WDPCP: variants seen among roughly 807,000 people sequenced by gnomAD.
The protein encoded by WDPCP is WD repeat-containing and planar cell polarity effector protein fritz homolog.
A neutral mutation model predicts 93.1 loss-of-function variants in WDPCP; 71 were observed. That is an observed-to-expected ratio of 0.76 (90% CI 0.63 to 0.93). WDPCP has a LOEUF of 0.93. Ranked by LOEUF, WDPCP falls within the 40% of genes least tolerant of loss-of-function variation. The probability of loss-of-function intolerance (pLI) is 0.00; values close to 1 mark genes in which losing one functional copy is unlikely to be tolerated. For missense variants in WDPCP, 844 were observed against 887.4 expected, an observed-to-expected ratio of 0.95 and a Z score of 0.62; for synonymous variants, 315 against 315.0, an observed-to-expected ratio of 1.00 and a Z score of 0.00.
intron 1 of WDPCP, among the ~76,000 whole-genome samples, chr2:63,522,886 A>G (rs906048985): frequency 1.3e-5 from 2 of 152,228 alleles, no homozygotes; most frequent in African/African-American, 4.8e-5. Flanking sequence ...AAATGTACAA[A>G]GAAGGGCTAG....
chr2:63,531,912 C>A (rs1398559972), intron 1 of WDPCP, among the ~76,000 whole-genome samples: 1 of 152,040 alleles, frequency 6.6e-6, no homozygotes, highest in East Asian at 1.9e-4. Context: ...ACAAACTTCT[C>A]CGAGCTAAAG....
At chr2:63,682,533 A>AG (rs202080693) in intron 2 of WDPCP, among the ~76,000 whole-genome samples, 1,725 of 152,266 alleles carry the variant, frequency 0.011, 14 homozygotes, top group Non-Finnish European at 0.013. Context: ...GCATGCCTAC[A>AG]GGATCTAGTA....
chr2:63,386,146 G>A (rs180863530), intron 10 of WDPCP, among the ~76,000 whole-genome samples: 8 of 152,004 alleles, frequency 5.3e-5, no homozygotes, highest in African/African-American at 1.2e-4. Flanking sequence ...GTGACCCTGC[G>A]TCAAAGAGTT....
chr2:63,784,079 G>A (rs747613595), intron 2 of WDPCP, among the ~76,000 whole-genome samples: 4 of 152,072 alleles, frequency 2.6e-5, no homozygotes, highest in Non-Finnish European at 2.9e-5. Flanking sequence ...CTCCATGAGG[G>A]CAATGAGCAT....
At chr2:63,617,862 A>G (rs1175224279) in intron 3 of WDPCP, among the ~76,000 whole-genome samples, 4 of 152,234 alleles carry the variant, frequency 2.6e-5, no homozygotes, top group African/African-American at 9.6e-5. Context: ...TTAGAATGGC[A>G]TGTTCTGAAC....
In WDPCP at chr2:63,404,238, C is replaced by T. The variant is rs1694377016; in HGVS notation, c.1245G>A (p.Leu415=). ...DMALSPINIQ[L]LAEDRLPRET... Reference sequence around the variant, plus strand: ...CCCTGGGTAAGCGGTCTTCAGCCAACAGTTGGATGTTAATAGGGGATAGAG... The same window carrying T: ...CCCTGGGTAAGCGGTCTTCAGCCAATAGTTGGATGTTAATAGGGGATAGAG... The change falls in exon 10 of 18, where the codon CTG becomes CTA. Residue 415 remains leucine, a synonymous_variant. Coordinates refer to ENST00000272321, the MANE Select transcript of WDPCP (RefSeq NM_015910.7). The T allele has an allele frequency of 6.2e-7, 1 of 1,613,636 alleles. No individual in the cohort carries two copies. The highest frequency in any genetic ancestry group is 8.5e-7 in the Non-Finnish European group (1 of 1,179,688).
intron 12 of WDPCP, among the ~76,000 whole-genome samples, chr2:63,373,333 T>C (rs1413320916): frequency 6.6e-6 from 1 of 151,336 alleles, no homozygotes; most frequent in Admixed American, 6.6e-5. Context: ...CACTGCAGAC[T>C]TGAACACCCA....
At position 63,731,288 on chromosome 2, in the gene WDPCP, A is replaced by G. The variant is rs796831032; in HGVS notation, n.309-80450T>C. 4.4e-4 allele frequency among the ~76,000 whole-genome samples: 67 copies of G among 151,856 alleles called. 1 individual carries two copies. Among genetic ancestry groups the G allele is most frequent in the African/African-American group, 1.6e-3 (65 of 41,476 alleles). Reference sequence around the variant, plus strand: ...GTCTCAAAAAAAAAAAAAAAAAGACAAGAATAAGACTGTTTATAAACTGTT... The same window carrying G: ...GTCTCAAAAAAAAAAAAAAAAAGACGAGAATAAGACTGTTTATAAACTGTT... On this transcript the variant is annotated intron_variant and non_coding_transcript_variant, in intron 2 of 4. Transcript: ENST00000467687.
At chr2:63,399,841 A>C (rs1224591091) in intron 10 of WDPCP, among the ~76,000 whole-genome samples, 1 of 152,142 alleles carries the variant, frequency 6.6e-6, no homozygotes, top group Admixed American at 6.5e-5. Flanking sequence ...GAATAGATTT[A>C]GCTGCATTTT....
rs1697463713 is a variant in WDPCP, at chr2:63,440,947, C to T, written c.385-1076G>A. 4 of 152,226 alleles carry T rather than the reference C, an allele frequency of 2.6e-5. 1 individual carries two copies. The South Asian group carries it at 8.3e-4, about 32-fold the overall frequency. The allele number at this position is 152,226 out of a possible 1,614,324, so 9.4% of individuals were successfully genotyped here. A position where few individuals can be genotyped will look rare whatever the true frequency, so the allele number is the denominator to read the frequency against. ...TGTGAAAGATAAGCAGCATGAGGGA[C>T]CAGGGTAATATAAAGACAGACCACC... On this transcript the variant is annotated intron_variant, in intron 6 of 17. Transcript: ENST00000272321.
intron 1 of WDPCP, among the ~76,000 whole-genome samples, chr2:63,561,545 C>G (rs1413812222): frequency 6.7e-6 from 1 of 149,658 alleles, no homozygotes; most frequent in Non-Finnish European, 1.5e-5. Context: ...TCTAATGAAA[C>G]TAAAGAGCTT....
At chr2:63,639,831 T>C (rs1709961478) in intron 3 of WDPCP, among the ~76,000 whole-genome samples, 1 of 152,188 alleles carries the variant, frequency 6.6e-6, no homozygotes, top group African/African-American at 2.4e-5. Flanking sequence ...GTGGAGAAAC[T>C]AGATCACTCA....
intron 13 of WDPCP, among the ~76,000 whole-genome samples, chr2:63,311,176 T>C (rs79552764): frequency 6.6e-6 from 1 of 152,174 alleles, no homozygotes; most frequent in East Asian, 1.9e-4. Flanking sequence ...TGTGATCCCA[T>C]TGTGATTCAT....
intron 13 of WDPCP, among the ~76,000 whole-genome samples, chr2:63,302,783 A>G (rs914675766): frequency 2.6e-5 from 4 of 152,212 alleles, no homozygotes; most frequent in Admixed American, 2.6e-4. Flanking sequence ...ACTTTAGGTT[A>G]AGATGTAGAC....
At chr2:63,765,394 A>G (rs935680469) in intron 2 of WDPCP, among the ~76,000 whole-genome samples, 3 of 152,204 alleles carry the variant, frequency 2.0e-5, no homozygotes, top group Non-Finnish European at 4.4e-5. Flanking sequence ...AAAGCAGCAG[A>G]ACAGTTTATG....
chr2:63,428,581 A>G lies in WDPCP; in HGVS notation c.825+5164T>C, dbSNP rs143753253. ...CTCGGTATCGAAGGAACATACCTCA[A>G]CATAATAAAAGCCATCTATTTCAAA... On this transcript the variant is annotated intron_variant, in intron 9 of 17. Transcript: ENST00000272321. Among the ~76,000 whole-genome samples, 6 of 152,308 alleles carry G rather than the reference A, an allele frequency of 3.9e-5. No individual in the cohort carries two copies. In the East Asian group the frequency reaches 1.2e-3, roughly 29 times the overall value.
At chr2:63,838,625 G>A in the WDPCP span, among the ~76,000 whole-genome samples, 2 of 151,524 alleles carry the variant, frequency 1.3e-5, no homozygotes, top group Non-Finnish European at 2.9e-5. Context: ...CGATGTTACA[G>A]ATTTCTAATG....
chr2:63,379,916 T>A (rs1370153931), intron 11 of WDPCP, among the ~76,000 whole-genome samples: 2 of 152,186 alleles, frequency 1.3e-5, no homozygotes, highest in African/African-American at 4.8e-5. Flanking sequence ...TAACCCAGCA[T>A]CATGCAAAAA....
chr2:63,513,755 T>C (rs1343349769), intron 1 of WDPCP, among the ~76,000 whole-genome samples: 1 of 152,180 alleles, frequency 6.6e-6, no homozygotes, highest in South Asian at 2.1e-4. Context: ...GGGTTTCCCC[T>C]CTCAGTCTAT....
Sources: gnomAD v4.1 joint callset for allele counts (sites outside exome capture counted in the v4.1 genomes callset) on GRCh38, gnomAD v4.1.1 for gene constraint, MANE v1.5 for transcripts, NCBI Gene and HGNC (gene_info 2026-07-23, HGNC 2026-07-21) for gene names.